Variants in DLG1 observed in about 807,000 individuals in gnomAD.
The protein encoded by DLG1 is disks large homolog 1.
Under a neutral mutation model 123.4 loss-of-function variants are expected in DLG1, and 42 were observed. The observed-to-expected ratio is 0.34, with a 90% confidence interval of 0.27 to 0.44. The LOEUF (loss-of-function observed/expected upper bound fraction) is 0.44. DLG1 is among the 20% of genes least tolerant of loss of function. The pLI is 1.00. For synonymous variants in DLG1, 317 were observed against 356.2 expected (o/e 0.89, Z 1.24); for missense variants, 942 against 1,082.6 (o/e 0.87, Z 1.82).
chr3:197,046,649 G>A (rs2342065), intron 24 of DLG1, among the ~76,000 whole-genome samples: 1 of 151,990 alleles, frequency 6.6e-6, no homozygotes. Context: ...AGGTGAAGGT[G>A]GGCGGATTGG....
intron 6 of DLG1, among the ~76,000 whole-genome samples, chr3:197,149,256 T>C (rs530514151): frequency 6.6e-6 from 1 of 152,304 alleles, no homozygotes; most frequent in South Asian, 2.1e-4. Context: ...CTACTTTCAG[T>C]AACTATGGAT....
At chr3:197,127,129 T>C (rs1779511689) in intron 11 of DLG1, among the ~76,000 whole-genome samples, 1 of 151,752 alleles carries the variant, frequency 6.6e-6, no homozygotes, top group Non-Finnish European at 1.5e-5. Flanking sequence ...TTTAAAAAAC[T>C]GAATATAAAA....
chr3:197,254,117 C>T (rs1193302847), intron 4 of DLG1, among the ~76,000 whole-genome samples: 4 of 152,116 alleles, frequency 2.6e-5, no homozygotes, highest in Admixed American at 1.3e-4. Context: ...CCTTTAATGA[C>T]GTGGGCTGGC....
At chr3:197,139,026 T>C (rs1293835034) in intron 8 of DLG1, among the ~76,000 whole-genome samples, 1 of 152,220 alleles carries the variant, frequency 6.6e-6, no homozygotes, top group Non-Finnish European at 1.5e-5. Flanking sequence ...AACAATTAAG[T>C]TATTTTTTGA....
intron 23 of DLG1, among the ~76,000 whole-genome samples, chr3:197,052,410 G>A (rs751520934): frequency 1.3e-5 from 2 of 152,032 alleles, no homozygotes; most frequent in Non-Finnish European, 2.9e-5. Context: ...AGCCGAGATC[G>A]TGCCACTGCA....
chr3:197,184,123 T>C (rs1410773315), intron 5 of DLG1: 3 of 1,115,382 alleles, frequency 2.7e-6, no homozygotes, highest in Non-Finnish European at 3.3e-6. Context: ...TGTTCTTTTG[T>C]TAGCTGATAA....
intron 4 of DLG1, among the ~76,000 whole-genome samples, chr3:197,263,187 T>C (rs1295861067): frequency 3.3e-5 from 5 of 152,224 alleles, no homozygotes; most frequent in Non-Finnish European, 5.9e-5. Context: ...CTTAGTATTC[T>C]GAAGTTTCTC....
intron 13 of DLG1, among the ~76,000 whole-genome samples, chr3:197,111,665 G>T (rs910017517): frequency 1.3e-5 from 2 of 152,098 alleles, no homozygotes; most frequent in Admixed American, 6.5e-5. Context: ...CTTTTCCACC[G>T]ATGTTCAACT....
chr3:197,120,897 A>G (rs1199941910), intron 11 of DLG1, among the ~76,000 whole-genome samples: 3 of 152,364 alleles, frequency 2.0e-5, no homozygotes, highest in African/African-American at 2.4e-5. Flanking sequence ...TTGAAAGTCC[A>G]AAGTCTTTCC....
chr3:197,101,280 C>G (rs1305139500), intron 14 of DLG1, among the ~76,000 whole-genome samples: 6 of 152,134 alleles, frequency 3.9e-5, no homozygotes, highest in African/African-American at 1.4e-4. Context: ...ACGGGGATAA[C>G]GGTGCTTACT....
chr3:197,182,722 C>T (rs963954341), intron 5 of DLG1, among the ~76,000 whole-genome samples: 3 of 151,956 alleles, frequency 2.0e-5, no homozygotes, highest in Non-Finnish European at 2.9e-5. Context: ...CATTTCTCGT[C>T]CTTTTATTTT....
intron 14 of DLG1, among the ~76,000 whole-genome samples, chr3:197,091,776 C>T (rs188829401): frequency 6.6e-6 from 1 of 151,974 alleles, no homozygotes; most frequent in Admixed American, 6.5e-5. Flanking sequence ...TCTTTTTTCC[C>T]CTCTATTTAT....
At chr3:197,053,379 T>C (rs968750516) in intron 23 of DLG1, among the ~76,000 whole-genome samples, 3 of 152,328 alleles carry the variant, frequency 2.0e-5, no homozygotes, top group South Asian at 2.1e-4. Context: ...TTTTGAAGAA[T>C]AGATTTGCCA....
At chr3:197,298,030 G>A (rs1326834682) in intron 1 of DLG1, 14 of 704,276 alleles carry the variant, frequency 2.0e-5, no homozygotes, top group Non-Finnish European at 2.4e-5. Context: ...CCCCCGGCCC[G>A]CTCGCCCAGT....
At chr3:197,111,665 G>A (rs910017517) in intron 13 of DLG1, among the ~76,000 whole-genome samples, 3 of 152,098 alleles carry the variant, frequency 2.0e-5, no homozygotes, top group South Asian at 2.1e-4. Flanking sequence ...CTTTTCCACC[G>A]ATGTTCAACT....
At chr3:197,297,919 G>A (rs900109338) in intron 1 of DLG1, 6 of 984,262 alleles carry the variant, frequency 6.1e-6, no homozygotes, top group Non-Finnish European at 7.2e-6. Context: ...GCGGAGCCGA[G>A]CGGAGGGGGC....
At chr3:197,284,853 T>C (rs1342861703) in intron 3 of DLG1, among the ~76,000 whole-genome samples, 1 of 151,240 alleles carries the variant, frequency 6.6e-6, no homozygotes, top group Non-Finnish European at 1.5e-5. Flanking sequence ...ATTCATAATC[T>C]GCAAGTGCTT....
chr3:197,150,224 GA>G (rs1237104005), intron 5 of DLG1, among the ~76,000 whole-genome samples: 5 of 147,470 alleles, frequency 3.4e-5, no homozygotes, highest in East Asian at 2.0e-4. Flanking sequence ...TTTAAACAAG[GA>G]AAAAAAAAAG....
intron 11 of DLG1, among the ~76,000 whole-genome samples, chr3:197,127,464 A>G (rs1210583271): frequency 4.8e-5 from 1 of 20,850 alleles, no homozygotes; most frequent in Non-Finnish European, 9.0e-5. Context: ...AAAAATATAT[A>G]TATATATATA....
Sources: allele counts gnomAD v4.1 joint callset (sites outside exome capture counted in the v4.1 genomes callset), GRCh38; gene constraint gnomAD v4.1.1; transcripts MANE v1.5; gene names NCBI Gene and HGNC (gene_info 2026-07-23, HGNC 2026-07-21).